BRSK2: variants seen among roughly 807,000 people sequenced by gnomAD.
BRSK2 encodes BR serine/threonine kinase 2, also known as serine/threonine-protein kinase BRSK2.
A neutral mutation model predicts 83.3 loss-of-function variants in BRSK2; 19 were observed. The observed-to-expected ratio is 0.23, with a 90% CI of 0.16 to 0.33. The LOEUF (loss-of-function observed/expected upper bound fraction) is 0.33, where lower values mean the gene tolerates loss of function less well. BRSK2 is among the 10% of genes least tolerant of loss of function. BRSK2 has a pLI of 1.00. For missense variants in BRSK2, 798 were observed against 1,042.3 expected (o/e 0.77, Z 3.23); for synonymous variants, 519 against 435.4 (o/e 1.19, Z -2.39).
At chr11:1,447,888 C>T (rs750146339) in intron 12 of BRSK2, 38 of 1,581,400 alleles carry the variant, frequency 2.4e-5, no homozygotes, top group African/African-American at 8.1e-5. Flanking sequence ...CACCCGTCCC[C>T]GCACCTCCCA....
chr11:1,420,862 T>A (rs1848575682), intron 1 of BRSK2, among the ~76,000 whole-genome samples: 1 of 152,192 alleles, frequency 6.6e-6, no homozygotes, highest in Non-Finnish European at 1.5e-5. Flanking sequence ...AACTCCCTGT[T>A]TTTCCACCTG....
chr11:1,399,385 C>T (rs980138223), intron 1 of BRSK2, among the ~76,000 whole-genome samples: 7 of 152,100 alleles, frequency 4.6e-5, no homozygotes, highest in African/African-American at 1.2e-4. Context: ...TCAGGACAGC[C>T]GAGGAGGGGA....
rs1847453442 is a variant in BRSK2 at position 1,461,140 on chromosome 11, C to T, written c.*417C>T. On this transcript the variant is annotated 3_prime_UTR_variant, in exon 20 of 20. Transcript: ENST00000528841. ...GCTCCTCGCCTCAGCTCCGCACGGCCCGTGGGAGGAAGGCCAGGCTCGGGG... is the reference window on the plus strand; with the variant it reads ...GCTCCTCGCCTCAGCTCCGCACGGCTCGTGGGAGGAAGGCCAGGCTCGGGG... The T allele has an allele frequency of 8.3e-7, 1 of 1,204,192 alleles. No homozygotes were observed. The highest frequency in any genetic ancestry group is 1.6e-5 in the African/African-American group (1 of 63,746). The allele number at this position is 1,204,192 out of a possible 1,614,324, so 74.6% of individuals were successfully genotyped here. A position where few individuals can be genotyped will look rare whatever the true frequency, so the allele number is the denominator to read the frequency against.
rs371275033 is a variant in BRSK2 at position 1,394,378 on chromosome 11, G to A, written c.91+4003G>A. On this transcript the variant is annotated intron_variant, in intron 1 of 19. Coordinates refer to ENST00000528841, the MANE Select transcript of BRSK2 (RefSeq NM_001256627.2). ...GGTCCTGGAGATGGGCCATGGAGAT[G>A]GGCCATGGAGATGGGTCCTGGAGAT... Among the ~76,000 whole-genome samples, 308 of 88,674 alleles carry A rather than the reference G, an allele frequency of 3.5e-3. 5 individuals carry two copies. Among genetic ancestry groups the A allele is most frequent in the Non-Finnish European group, 4.3e-3 (192 of 44,924 alleles). The allele number at this position is 88,674 out of a possible 152,430, so 58.2% of individuals were successfully genotyped here. A position where few individuals can be genotyped will look rare whatever the true frequency, so the allele number is the denominator to read the frequency against.
At chr11:1,449,661 C>A in intron 12 of BRSK2, 115 bp from the exon 13 acceptor site, 1 of 843,138 alleles carries the variant, frequency 1.2e-6, no homozygotes, top group Non-Finnish European at 1.9e-6. Flanking sequence ...GGCCTCGAGG[C>A]TCTTGGCCCG....
chr11:1,445,356 T>C lies in BRSK2; in HGVS notation c.875T>C (p.Leu292Pro). The part of the protein sequence containing the change: ...PIPRKVQIRS[L>P]PSLEDIDPDV... ...CCTCGCAAGGTGCAGATCCGCTCGC[T>C]GCCCAGCCTGGAGGACATCGACCCC... The change falls in exon 10 of 20, where the codon CTG becomes CCG. Residue 292 changes from leucine (L) to proline (P), a missense_variant. Leu to Pro is a moderately conservative substitution (Grantham distance 98, BLOSUM62 -3). This residue lies in a region of BRSK2 where 145 missense variants were observed against 225.4 expected (regional missense o/e 0.64). Coordinates refer to ENST00000528841, the MANE Select transcript of BRSK2 (RefSeq NM_001256627.2). 6.2e-7 allele frequency: 1 copy of C among 1,611,850 alleles called. No individual in the cohort carries two copies. The highest frequency in any genetic ancestry group is 8.5e-7 in the Non-Finnish European group (1 of 1,179,598).
intron 8 of BRSK2, among the ~76,000 whole-genome samples, chr11:1,444,605 CCAGGCAGCA>C: frequency 6.6e-6 from 1 of 152,218 alleles, no homozygotes; most frequent in Non-Finnish European, 1.5e-5. Flanking sequence ...GGGGCCCAGC[CCAGGCAGCA>C]CAGGCACCTG....
At chr11:1,394,106 ATGGAGATGGGTCC>A (rs1462956716) in intron 1 of BRSK2, among the ~76,000 whole-genome samples, 11 of 108,628 alleles carry the variant, frequency 1.0e-4, no homozygotes, top group South Asian at 3.6e-4. Flanking sequence ...GAGATGGGCC[ATGGAGATGGGTCC>A]TGGAGATGGG....
At position 1,461,070 on chromosome 11, in the gene BRSK2, GCC is replaced by G; in HGVS notation, c.*348_*349del. ...CCCTCCCTCCGCTCCTGCTGTTGCT[GCC>G]GGGCAGTGAGGCCCAGCCCAGCGCC... On this transcript the variant is annotated 3_prime_UTR_variant, in exon 20 of 20. Transcript: ENST00000528841. 6.3e-7 allele frequency: 1 copy of G among 1,590,302 alleles called. No homozygotes were observed. The highest frequency in any genetic ancestry group is 1.1e-5 in the South Asian group (1 of 89,328).
At chr11:1,417,907 C>T (rs1429330951) in intron 1 of BRSK2, among the ~76,000 whole-genome samples, 1 of 147,432 alleles carries the variant, frequency 6.8e-6, no homozygotes. Context: ...GAGTGGGTCA[C>T]ACTGTGTCCT....
chr11:1,394,765 CTGGAGATGGGCCA>C (rs1289594143), intron 1 of BRSK2, among the ~76,000 whole-genome samples: 9 of 78,248 alleles, frequency 1.2e-4, no homozygotes, highest in Non-Finnish European at 2.1e-4. Context: ...AGATGGGCCC[CTGGAGATGGGCCA>C]TGGAGATGGG....
At chr11:1,443,771 C>T (rs929253802) in intron 8 of BRSK2, 136 bp downstream of exon 8, 29 of 1,194,210 alleles carry the variant, frequency 2.4e-5, no homozygotes, top group Middle Eastern at 5.9e-4. Context: ...GGTGTGTGGA[C>T]GTGTGCACAG....
intron 8 of BRSK2, 28 bp downstream of exon 8, chr11:1,443,663 C>A: frequency 3.3e-6 from 5 of 1,498,560 alleles, no homozygotes; most frequent in Non-Finnish European, 3.5e-6. Context: ...GGGGCGGCCC[C>A]AGAGCGTGGC....
chr11:1,413,288 G>A (rs1444131486), intron 1 of BRSK2, among the ~76,000 whole-genome samples: 1 of 152,056 alleles, frequency 6.6e-6, no homozygotes, highest in Non-Finnish European at 1.5e-5. Flanking sequence ...ACTGGGGTCA[G>A]CCCAGGAGAC....
rs868834548 is a variant in BRSK2, at chr11:1,421,581, G to A, written c.92-14459G>A. On this transcript the variant is annotated intron_variant, in intron 1 of 19. Coordinates refer to ENST00000528841, the MANE Select transcript of BRSK2 (RefSeq NM_001256627.2). Reference sequence around the variant, plus strand: ...TGAGCAGTTGTCTCCCAAGAGATGCGCCGCCCCTTCCCTCTGCACCTGGCA... The same window carrying A: ...TGAGCAGTTGTCTCCCAAGAGATGCACCGCCCCTTCCCTCTGCACCTGGCA... Among the ~76,000 whole-genome samples, 6 of 152,214 alleles carry A rather than the reference G, an allele frequency of 3.9e-5. No homozygotes were observed. The South Asian group carries it at 6.2e-4, about 16-fold the overall frequency.
rs998313605 is a variant in BRSK2 at position 1,454,092 on chromosome 11, G to A, written c.1545-393G>A. ...CGAGTTGCAGGCCCCGCCTGCTCCT[G>A]GGGGTGGGGGGCACAGCTGACTTCA... is the stretch of plus-strand genomic sequence containing the variant. On this transcript the variant is annotated intron_variant, in intron 15 of 19. Coordinates refer to ENST00000528841, the MANE Select transcript of BRSK2 (RefSeq NM_001256627.2). This position sits in a 1 kb window ranked among gnomAD's most constrained non-coding sequence, Gnocchi z 5.2. The A allele has an allele frequency of 6.0e-6, 1 of 167,236 alleles. No individual in the cohort carries two copies. Among genetic ancestry groups the A allele is most frequent in the Admixed American group, 6.0e-5 (1 of 16,616 alleles). The allele number at this position is 167,236 out of a possible 1,614,324, so 10.4% of individuals were successfully genotyped here.
intron 14 of BRSK2, among the ~76,000 whole-genome samples, chr11:1,451,097 T>C (rs561975010): frequency 6.6e-6 from 1 of 152,134 alleles, no homozygotes. Flanking sequence ...GGAGGCCCCA[T>C]GTGTGGGGCA....
chr11:1,391,501 ACGGCAGAGCTGCAGGAAGGGGT>A (rs1845731074), intron 1 of BRSK2, among the ~76,000 whole-genome samples: 1 of 152,132 alleles, frequency 6.6e-6, no homozygotes, highest in Non-Finnish European at 1.5e-5. Context: ...TGATGTAACT[ACGGCAGAGCTGCAGGAAGGGGT>A]TTAGACTGAG....
At chr11:1,394,664 A>G (rs1276699176) in intron 1 of BRSK2, among the ~76,000 whole-genome samples, 1 of 107,206 alleles carries the variant, frequency 9.3e-6, no homozygotes, top group Non-Finnish European at 1.9e-5. Flanking sequence ...GGTCCTGGAG[A>G]TGGGCCCCTG....
Sources: gnomAD v4.1 joint callset for allele counts (sites outside exome capture counted in the v4.1 genomes callset) on GRCh38, gnomAD v4.1.1 for gene constraint, gnomAD v4.1.1 regional missense constraint, Gnocchi (gnomAD v3.1) non-coding constraint, MANE v1.5 for transcripts, NCBI Gene and HGNC (gene_info 2026-07-23, HGNC 2026-07-21) for gene names.